Variants in WWOX observed in about 807,000 individuals in gnomAD.
WWOX encodes WW domain-containing oxidoreductase.
Under a neutral mutation model 46.2 loss-of-function variants are expected in WWOX, and 69 were observed. The observed-to-expected ratio is 1.49, with a 90% CI of 1.23 to 1.82. WWOX has a LOEUF of 1.82. WWOX is among the 40% of genes most tolerant of loss of function. WWOX has a pLI of 0.00. For missense variants in WWOX, 919 were observed against 542.6 expected, an observed-to-expected ratio of 1.69 and a Z score of -6.89; for synonymous variants, 359 against 202.6, an observed-to-expected ratio of 1.77 and a Z score of -6.56.
At position 78,215,481 on chromosome 16, in the gene WWOX, G is replaced by A. The variant is rs150163460; in HGVS notation, c.516+51192G>A. On this transcript the variant is annotated intron_variant, in intron 5 of 8. Transcript: ENST00000566780. Reference sequence around the variant, plus strand: ...CCTGGCCTTCATTCTCTTTCCTGCTGCTTTGCGAAGAAGGTGCTTGCTTCT... The same window carrying A: ...CCTGGCCTTCATTCTCTTTCCTGCTACTTTGCGAAGAAGGTGCTTGCTTCT... 5.5e-3 allele frequency among the ~76,000 whole-genome samples: 840 copies of A among 152,278 alleles called. 8 individuals carry two copies. Among genetic ancestry groups the A allele is most frequent in the African/African-American group, 0.019 (810 of 41,570 alleles).
At chr16:79,047,619 C>T (rs1017493266) in intron 8 of WWOX, among the ~76,000 whole-genome samples, 6 of 150,816 alleles carry the variant, frequency 4.0e-5, no homozygotes, top group African/African-American at 1.5e-4. Flanking sequence ...CAAATCGATT[C>T]CCTTACAGTT....
At chr16:78,292,335 G>C (rs550609397) in intron 5 of WWOX, among the ~76,000 whole-genome samples, 3 of 152,116 alleles carry the variant, frequency 2.0e-5, no homozygotes, top group Non-Finnish European at 4.4e-5. Context: ...GTACAGAGCT[G>C]TCTGTCATTT....
intron 8 of WWOX, among the ~76,000 whole-genome samples, chr16:78,775,427 G>C (rs951925196): frequency 6.6e-6 from 1 of 152,098 alleles, no homozygotes; most frequent in African/African-American, 2.4e-5. Context: ...ATGTTCTTTT[G>C]TGGCTTGTCT....
At chr16:78,415,531 C>T (rs908564655) in intron 6 of WWOX, among the ~76,000 whole-genome samples, 1 of 152,108 alleles carries the variant, frequency 6.6e-6, no homozygotes, top group African/African-American at 2.4e-5. Flanking sequence ...AAAATGGAGT[C>T]ACTCTGGTTT....
intron 8 of WWOX, among the ~76,000 whole-genome samples, chr16:78,855,364 C>G (rs146255251): frequency 2.7e-4 from 41 of 152,104 alleles, no homozygotes; most frequent in African/African-American, 9.2e-4. Flanking sequence ...TGTTAGCTGA[C>G]TAAAATTGTA....
At chr16:78,714,188 T>C (rs780346517) in intron 8 of WWOX, among the ~76,000 whole-genome samples, 3 of 152,174 alleles carry the variant, frequency 2.0e-5, no homozygotes, top group Non-Finnish European at 4.4e-5. Flanking sequence ...CCTATATTAG[T>C]CTATTCTCAC....
intron 4 of WWOX, among the ~76,000 whole-genome samples, chr16:78,139,569 C>G (rs2033915326): frequency 6.6e-6 from 1 of 152,128 alleles, no homozygotes; most frequent in Non-Finnish European, 1.5e-5. Flanking sequence ...TGCTTGAACC[C>G]AGGAGGCGGA....
Position 79,073,241 on chromosome 16 carries a change from A to T in WWOX, c.1057-138367A>T, listed in dbSNP as rs1051856838. 1.1e-4 allele frequency among the ~76,000 whole-genome samples: 17 copies of T among 151,614 alleles called. 1 individual carries two copies. The highest frequency in any genetic ancestry group is 8.8e-5 in the Non-Finnish European group (6 of 67,932). On this transcript the variant is annotated intron_variant, in intron 8 of 8. Transcript: ENST00000566780. ...TTTGCCCAGGCTGGAGTGAAATGGC[A>T]CGATCGCAGCTCACTGCGACCTCCA...
At chr16:78,853,262 C>A (rs138551566) in intron 8 of WWOX, among the ~76,000 whole-genome samples, 43 of 152,088 alleles carry the variant, frequency 2.8e-4, no homozygotes, top group African/African-American at 9.4e-4. Flanking sequence ...GATCTGTCAT[C>A]CAGGCTGGAG....
intron 8 of WWOX, chr16:79,106,098 C>T (rs1283000146): frequency 6.6e-6 from 1 of 152,190 alleles, no homozygotes; most frequent in Non-Finnish European, 1.5e-5. Flanking sequence ...ATCAGAATCA[C>T]CTGGGAATTT....
chr16:79,002,343 C>A (rs1431637076), intron 8 of WWOX, among the ~76,000 whole-genome samples: 4 of 150,994 alleles, frequency 2.6e-5, no homozygotes, highest in Non-Finnish European at 5.9e-5. Flanking sequence ...CCTGCCTCAG[C>A]CTCCTGAGTA....
At chr16:78,192,661 G>A (rs1024741268) in intron 5 of WWOX, among the ~76,000 whole-genome samples, 3 of 152,098 alleles carry the variant, frequency 2.0e-5, no homozygotes, top group South Asian at 2.1e-4. Context: ...ACTGGTGACC[G>A]TTTGAAATGT....
chr16:78,367,230 C>T (rs561775742), intron 5 of WWOX, among the ~76,000 whole-genome samples: 63 of 152,040 alleles, frequency 4.1e-4, no homozygotes, highest in Admixed American at 2.2e-3. Context: ...TCAACTGCCT[C>T]GCCCTCCCAA....
intron 8 of WWOX, among the ~76,000 whole-genome samples, chr16:78,756,532 A>T (rs184952660): frequency 8.3e-4 from 126 of 152,246 alleles, no homozygotes; most frequent in African/African-American, 2.9e-3. Context: ...AACACGAGAA[A>T]AGTTGGAAGA....
intron 8 of WWOX, among the ~76,000 whole-genome samples, chr16:78,805,387 A>C (rs1053220487): frequency 1.3e-5 from 2 of 151,284 alleles, no homozygotes; most frequent in African/African-American, 4.9e-5. Flanking sequence ...CAGCCTCCGG[A>C]GTAGCTGGGA....
chr16:78,676,941 GTT>G (rs2047614007), intron 8 of WWOX, among the ~76,000 whole-genome samples: 1 of 152,114 alleles, frequency 6.6e-6, no homozygotes, highest in Non-Finnish European at 1.5e-5. Context: ...AAGAAAAACA[GTT>G]TTGAATAAAA....
chr16:78,849,617 A>T (rs894549419), intron 8 of WWOX, among the ~76,000 whole-genome samples: 6 of 149,906 alleles, frequency 4.0e-5, no homozygotes, highest in African/African-American at 1.5e-4. Flanking sequence ...CCACATTTTG[A>T]GATAGGCCTT....
intron 8 of WWOX, among the ~76,000 whole-genome samples, chr16:78,450,511 G>A (rs770965479): frequency 3.9e-5 from 6 of 151,996 alleles, no homozygotes; most frequent in East Asian, 1.9e-4. Flanking sequence ...TATATTTGCC[G>A]GATCCAAAAA....
intron 8 of WWOX, among the ~76,000 whole-genome samples, chr16:78,513,899 C>G (rs192650846): frequency 5.5e-5 from 8 of 145,654 alleles, no homozygotes; most frequent in African/African-American, 1.4e-4. Flanking sequence ...CCCACTCCCC[C>G]CCCCCCCACT....
Sources: gnomAD v4.1 joint callset for allele counts (sites outside exome capture counted in the v4.1 genomes callset) on GRCh38, gnomAD v4.1.1 for gene constraint, MANE v1.5 for transcripts, NCBI Gene and HGNC (gene_info 2026-07-23, HGNC 2026-07-21) for gene names.